The following XYLB variants were observed in gnomAD, a reference collection of about 807,000 sequenced individuals.
XYLB encodes xylulokinase.
A neutral mutation model predicts 78.7 loss-of-function variants in XYLB; 62 were observed. The observed-to-expected ratio is 0.79, with a 90% CI of 0.64 to 0.97. The LOEUF (loss-of-function observed/expected upper bound fraction) is 0.97. XYLB is among the 50% of genes least tolerant of loss of function. The pLI is 0.00. For synonymous variants in XYLB, 245 were observed against 247.4 expected (o/e 0.99, Z 0.09); for missense variants, 687 against 676.8 (o/e 1.02, Z -0.17).
chr3:38,359,567 A>G (rs1705858133), intron 2 of XYLB, among the ~76,000 whole-genome samples: 1 of 152,218 alleles, frequency 6.6e-6, no homozygotes, highest in Admixed American at 6.5e-5. Flanking sequence ...GTACATATGA[A>G]TAGTTCATAT....
rs944410396 is a variant in XYLB at position 38,386,886 on chromosome 3, A to G, written c.1291+7544A>G. Among the ~76,000 whole-genome samples, 3 of 152,208 alleles carry G rather than the reference A, an allele frequency of 2.0e-5. No individual in the cohort carries two copies. The South Asian group carries it at 6.2e-4, about 31-fold the overall frequency. ...TATTTATTTTACTTCATATTAAAAT[A>G]ATGTTTTCTGCTGTGGAATTCTAGG... is the stretch of plus-strand genomic sequence containing the variant. On this transcript the variant is annotated intron_variant, in intron 15 of 18. Coordinates refer to ENST00000207870, the MANE Select transcript of XYLB (RefSeq NM_005108.4).
intron 14 of XYLB, among the ~76,000 whole-genome samples, chr3:38,377,841 G>GA (rs1706942364): frequency 4.3e-5 from 6 of 140,248 alleles, no homozygotes; most frequent in Middle Eastern, 3.7e-3. Context: ...GAGTCACAAG[G>GA]TCATAGATGG....
chr3:38,398,838 G>A (rs1708000354), intron 17 of XYLB, among the ~76,000 whole-genome samples: 2 of 151,122 alleles, frequency 1.3e-5, no homozygotes, highest in African/African-American at 4.8e-5. Flanking sequence ...TCCTGGCCTA[G>A]AGGGTGAAAC....
chr3:38,377,061 C>G, intron 14 of XYLB, 70 bp downstream of exon 14: 1 of 1,342,844 alleles, frequency 7.4e-7, no homozygotes, highest in Non-Finnish European at 1.1e-6. Context: ...AATTGCCTAT[C>G]AAATTATGTT....
intron 18 of XYLB, among the ~76,000 whole-genome samples, chr3:38,412,342 C>T (rs1200803837): frequency 1.3e-5 from 2 of 152,152 alleles, no homozygotes; most frequent in African/African-American, 4.8e-5. Context: ...GGCAAAGAGA[C>T]CCTCTCCTGG....
chr3:38,408,728 C>A (rs1327490478), intron 18 of XYLB, among the ~76,000 whole-genome samples: 1 of 151,220 alleles, frequency 6.6e-6, no homozygotes, highest in African/African-American at 2.4e-5. Flanking sequence ...CACAGAAATA[C>A]AAACTACCAT....
intron 5 of XYLB, 66 bp downstream of exon 5, chr3:38,365,351 A>T (rs1423055404): frequency 1.3e-6 from 2 of 1,533,686 alleles, no homozygotes; most frequent in East Asian, 4.5e-5. Flanking sequence ...GTGGGTCCTG[A>T]AGCCTGCTCA....
downstream of XYLB, among the ~76,000 whole-genome samples, chr3:38,419,238 G>C (rs1708895415): frequency 6.6e-6 from 1 of 151,958 alleles, no homozygotes. Flanking sequence ...AAATTTAAAG[G>C]TTCATTCACA....
the XYLB span, chr3:38,452,825 T>G: frequency 1.3e-5 from 2 of 152,146 alleles, no homozygotes; most frequent in Admixed American, 1.3e-4. Context: ...TCACTTTGCA[T>G]ATGGGAAAAC....
intron 3 of XYLB, among the ~76,000 whole-genome samples, chr3:38,362,396 C>T (rs1335343534): frequency 6.6e-6 from 1 of 152,124 alleles, no homozygotes; most frequent in African/African-American, 2.4e-5. Flanking sequence ...TGCCACCACA[C>T]CCAGCTAAAT....
At chr3:38,395,594 G>A (rs761413077) in intron 16 of XYLB, 31 bp downstream of exon 16, 12 of 1,605,864 alleles carry the variant, frequency 7.5e-6, no homozygotes, top group Non-Finnish European at 1.0e-5. Context: ...TTACACCATG[G>A]CCTCTCCCAT....
At chr3:38,348,782 T>C (rs78758634) in intron 2 of XYLB, 150 bp downstream of exon 2, 37,295 of 658,152 alleles carry the variant, frequency 0.057, 1,312 homozygotes, top group Middle Eastern at 0.1. Context: ...TTTTTTCCTA[T>C]ACCTAGAGTG....
At chr3:38,395,416 C>A (rs1707827743) in intron 15 of XYLB, 89 bp from the exon 16 acceptor site, 4 of 1,205,572 alleles carry the variant, frequency 3.3e-6, no homozygotes, top group African/African-American at 1.5e-5. Context: ...CATCATGAGC[C>A]CTCTGTAGCT....
intron 18 of XYLB, among the ~76,000 whole-genome samples, chr3:38,411,730 A>G (rs1378652238): frequency 6.6e-6 from 1 of 151,836 alleles, no homozygotes; most frequent in Non-Finnish European, 1.5e-5. Context: ...TTGAGATCTC[A>G]TAAAAGTGGA....
chr3:38,431,228 A>C, the XYLB span, among the ~76,000 whole-genome samples: 310 of 152,092 alleles, frequency 2.0e-3, 7 homozygotes, highest in Admixed American at 0.016. Flanking sequence ...CTTTTATTTC[A>C]TTGAGCAGTG....
chr3:38,381,007 A>G (rs1454678326), intron 15 of XYLB, among the ~76,000 whole-genome samples: 2 of 152,194 alleles, frequency 1.3e-5, no homozygotes, highest in South Asian at 2.1e-4. Context: ...ACAGTGGCTC[A>G]CACCTGTAAT....
chr3:38,441,075 C>T, the XYLB span, among the ~76,000 whole-genome samples: 3 of 152,146 alleles, frequency 2.0e-5, no homozygotes, highest in Non-Finnish European at 2.9e-5. Context: ...CTATTCTCCC[C>T]TATCCTTCCT....
chr3:38,383,117 G>C lies in XYLB; in HGVS notation c.1291+3775G>C, dbSNP rs537272154. 2.6e-5 allele frequency among the ~76,000 whole-genome samples: 4 copies of C among 152,338 alleles called. No individual in the cohort carries two copies. The South Asian group carries it at 8.3e-4, about 32-fold the overall frequency. ...GCTGCCAGCATTTGTTGGGCACTGA[G>C]TGTGTGCCCGGCCCAGTTCCTTAGC... On this transcript the variant is annotated intron_variant, in intron 15 of 18. Coordinates refer to ENST00000207870, the MANE Select transcript of XYLB (RefSeq NM_005108.4).
the XYLB span, among the ~76,000 whole-genome samples, chr3:38,439,325 A>G: frequency 6.6e-6 from 1 of 152,200 alleles, no homozygotes; most frequent in Non-Finnish European, 1.5e-5. Context: ...GGCCATCTGT[A>G]GCTTGACAGC....
Sources: gnomAD v4.1 joint callset for allele counts (sites outside exome capture counted in the v4.1 genomes callset) on GRCh38, gnomAD v4.1.1 for gene constraint, MANE v1.5 for transcripts, NCBI Gene and HGNC (gene_info 2026-07-23, HGNC 2026-07-21) for gene names.